Variants in CDH10 observed in about 807,000 individuals in gnomAD.
CDH10 encodes cadherin 10.
Under a neutral mutation model 73.1 loss-of-function variants are expected in CDH10, and 30 were observed. The ratio of observed to expected loss-of-function variants is 0.41; its 90% CI spans 0.31 to 0.56. The LOEUF (loss-of-function observed/expected upper bound fraction) is 0.56, where lower values mean the gene tolerates loss of function less well. CDH10 is among the 20% of genes least tolerant of loss of function. The pLI is 0.27. For missense variants in CDH10, 815 were observed against 973.7 expected (o/e 0.84, Z 2.17); for synonymous variants, 345 against 348.2 (o/e 0.99, Z 0.10).
intron 5 of CDH10, among the ~76,000 whole-genome samples, chr5:24,514,087 T>C (rs892505086): frequency 7.2e-5 from 11 of 152,206 alleles, no homozygotes; most frequent in Admixed American, 6.5e-4. Context: ...TATTATTTTA[T>C]ACAATAAAAT....
intron 1 of CDH10, among the ~76,000 whole-genome samples, chr5:24,614,238 T>C (rs914053332): frequency 6.6e-6 from 1 of 152,192 alleles, no homozygotes; most frequent in African/African-American, 2.4e-5. Flanking sequence ...ATCCTTGCAA[T>C]GAACATTTAT....
At chr5:24,564,606 T>G (rs1271026773) in intron 2 of CDH10, among the ~76,000 whole-genome samples, 9 of 152,156 alleles carry the variant, frequency 5.9e-5, no homozygotes, top group African/African-American at 1.9e-4. Flanking sequence ...CAGGACATTT[T>G]TATATCAATC....
chr5:24,592,749 A>C (rs545035312), intron 2 of CDH10, among the ~76,000 whole-genome samples: 57 of 151,924 alleles, frequency 3.8e-4, no homozygotes, highest in African/African-American at 1.3e-3. Context: ...CCTAAGAAAA[A>C]TAAATAACAT....
At chr5:24,542,125 A>C (rs948912840) in intron 2 of CDH10, among the ~76,000 whole-genome samples, 1 of 152,152 alleles carries the variant, frequency 6.6e-6, no homozygotes, top group Non-Finnish European at 1.5e-5. Context: ...CTTTGTATAA[A>C]ATGAAATTTA....
At chr5:24,488,533 AT>A (rs1027549437) in intron 11 of CDH10, among the ~76,000 whole-genome samples, 1 of 152,188 alleles carries the variant, frequency 6.6e-6, no homozygotes, top group Non-Finnish European at 1.5e-5. Flanking sequence ...CACAAATTGA[AT>A]TCAGCTTCAA....
intron 2 of CDH10, among the ~76,000 whole-genome samples, chr5:24,552,065 TTTTA>T (rs1744565715): frequency 1.3e-5 from 2 of 152,090 alleles, no homozygotes; most frequent in South Asian, 2.1e-4. Context: ...TTGCAAAATA[TTTTA>T]TTGGGATTGC....
chr5:24,600,151 A>G (rs1746510067), intron 1 of CDH10, among the ~76,000 whole-genome samples: 1 of 152,170 alleles, frequency 6.6e-6, no homozygotes, highest in Non-Finnish European at 1.5e-5. Flanking sequence ...CTCATTTTCT[A>G]ATATCCATTT....
chr5:24,542,723 G>T (rs1744200472), intron 2 of CDH10, among the ~76,000 whole-genome samples: 1 of 152,084 alleles, frequency 6.6e-6, no homozygotes, highest in Admixed American at 6.6e-5. Flanking sequence ...CAAGACCAAG[G>T]TGCCAACAGA....
chr5:24,580,469 C>T (rs995763797), intron 2 of CDH10, among the ~76,000 whole-genome samples: 1 of 152,022 alleles, frequency 6.6e-6, no homozygotes, highest in African/African-American at 2.4e-5. Context: ...TAAAGATATT[C>T]TATGATACCT....
intron 1 of CDH10, among the ~76,000 whole-genome samples, chr5:24,638,410 ACCT>A (rs1747937654): frequency 6.6e-6 from 1 of 151,442 alleles, no homozygotes; most frequent in Non-Finnish European, 1.5e-5. Flanking sequence ...TCTGTAGAAA[ACCT>A]CCACTCTTCA....
chr5:24,603,322 T>C (rs1746634599), intron 1 of CDH10, among the ~76,000 whole-genome samples: 1 of 152,174 alleles, frequency 6.6e-6, no homozygotes, highest in Admixed American at 6.5e-5. Flanking sequence ...TCCCAACACA[T>C]TTTATGTATG....
chr5:24,610,431 T>C (rs543379350), intron 1 of CDH10, among the ~76,000 whole-genome samples: 5 of 152,282 alleles, frequency 3.3e-5, no homozygotes, highest in African/African-American at 1.2e-4. Flanking sequence ...TTATGCTAAT[T>C]GTATTTGATT....
At chr5:24,514,326 C>T (rs1265463761) in intron 5 of CDH10, among the ~76,000 whole-genome samples, 2 of 152,114 alleles carry the variant, frequency 1.3e-5, no homozygotes, top group East Asian at 1.9e-4. Flanking sequence ...TAATTTAGAT[C>T]CTCTGTCCTG....
At chr5:24,551,865 T>C (rs1744559209) in intron 2 of CDH10, among the ~76,000 whole-genome samples, 1 of 152,162 alleles carries the variant, frequency 6.6e-6, no homozygotes, top group African/African-American at 2.4e-5. Flanking sequence ...ATTACTGATA[T>C]CTATCCAAAT....
In CDH10 at chr5:24,592,446, AT is replaced by A. The variant is rs61363888; in HGVS notation, c.231+813del. Among the ~76,000 whole-genome samples the A allele has an allele frequency of 7.9e-3, 1,193 of 151,818 alleles. 12 individuals carry two copies. The highest frequency in any genetic ancestry group is 0.025 in the African/African-American group (1,029 of 41,474). ...ATAATAATATTGACTATTAAAATGA[AT>A]TTTTTTGTAAGCTCTCAAGTCAACT... On this transcript the variant is annotated intron_variant, in intron 2 of 11. Transcript: ENST00000264463.
chr5:24,537,710 G>A (rs2111898130), intron 2 of CDH10, 36 bp from the exon 3 acceptor site: 1 of 1,328,756 alleles, frequency 7.5e-7, no homozygotes, highest in Non-Finnish European at 1.0e-6. Context: ...CCATGATCAT[G>A]TATAAAGGTG....
chr5:24,558,505 T>A (rs1159189192), intron 2 of CDH10, among the ~76,000 whole-genome samples: 2 of 151,696 alleles, frequency 1.3e-5, no homozygotes, highest in East Asian at 3.9e-4. Context: ...TATTTAACAA[T>A]CAAAATGTAT....
At chr5:24,562,213 A>C (rs185418978) in intron 2 of CDH10, among the ~76,000 whole-genome samples, 1 of 152,212 alleles carries the variant, frequency 6.6e-6, no homozygotes, top group African/African-American at 2.4e-5. Context: ...TATATTCACA[A>C]TTTCTGTCAC....
chr5:24,586,979 G>C (rs908899445), intron 2 of CDH10, among the ~76,000 whole-genome samples: 9 of 151,008 alleles, frequency 6.0e-5, no homozygotes, highest in Non-Finnish European at 1.0e-4. Context: ...CGAGTAGCTG[G>C]GACTACAGGC....
Sources: allele counts gnomAD v4.1 joint callset (sites outside exome capture counted in the v4.1 genomes callset), GRCh38; gene constraint gnomAD v4.1.1; transcripts MANE v1.5; gene names NCBI Gene and HGNC (gene_info 2026-07-23, HGNC 2026-07-21).